ZC3H12B: variants seen among roughly 807,000 people sequenced by gnomAD.
ZC3H12B encodes zinc finger CCCH-type containing 12B.
Under a neutral mutation model 43.9 loss-of-function variants are expected in ZC3H12B, and 7 were observed. The observed-to-expected ratio is 0.16, with a 90% confidence interval of 0.09 to 0.30. The LOEUF is 0.30. Among genes scored for constraint, ZC3H12B ranks in the 10% least tolerant of loss-of-function variants. ZC3H12B has a pLI of 1.00. For missense variants in ZC3H12B, 475 were observed against 670.2 expected (o/e 0.71, Z 3.22); for synonymous variants, 222 against 241.7 (o/e 0.92, Z 0.76).
the ZC3H12B span, among the ~76,000 whole-genome samples, chrX:65,110,449 C>T: frequency 5.5e-5 from 6 of 108,977 alleles, no homozygotes; most frequent in African/African-American, 2.0e-4. Flanking sequence ...GTCTCTGATC[C>T]ATTTTGAGTA....
chrX:65,286,938 A>G, the ZC3H12B span, among the ~76,000 whole-genome samples: 4 of 111,317 alleles, frequency 3.6e-5, no homozygotes, highest in East Asian at 1.1e-3. Flanking sequence ...TAAACAAAAA[A>G]GACAAAATCA....
At chrX:65,081,593 G>A in the ZC3H12B span, among the ~76,000 whole-genome samples, 1 of 111,748 alleles carries the variant, frequency 8.9e-6, no homozygotes, top group Non-Finnish European at 1.9e-5. Flanking sequence ...ACAATTTAAA[G>A]TATATATGCA....
At chrX:65,316,834 T>G in the ZC3H12B span, among the ~76,000 whole-genome samples, 2 of 111,368 alleles carry the variant, frequency 1.8e-5, no homozygotes, top group African/African-American at 3.3e-5. Flanking sequence ...ATAACTGAAT[T>G]AAAAGGCACA....
chrX:65,058,434 G>A, the ZC3H12B span, among the ~76,000 whole-genome samples: 1 of 112,042 alleles, frequency 8.9e-6, no homozygotes, highest in Non-Finnish European at 1.9e-5. Flanking sequence ...AGTTCCTCTG[G>A]AAGTTTTGTC....
chrX:65,206,649 AAAT>A, the ZC3H12B span, among the ~76,000 whole-genome samples: 1 of 90,420 alleles, frequency 1.1e-5, no homozygotes, highest in African/African-American at 9.9e-5. Context: ...AACAAAAATA[AAAT>A]AAATAGATAG....
At chrX:65,211,103 AAG>A in the ZC3H12B span, among the ~76,000 whole-genome samples, 2 of 105,640 alleles carry the variant, frequency 1.9e-5, no homozygotes, top group African/African-American at 3.5e-5. Context: ...AAAAAAAAAA[AAG>A]AACTTTTGAG....
At chrX:65,284,589 C>A in the ZC3H12B span, among the ~76,000 whole-genome samples, 2 of 110,998 alleles carry the variant, frequency 1.8e-5, no homozygotes, top group Admixed American at 9.6e-5. Context: ...TGGTGAAACC[C>A]TGTCTCTACT....
chrX:65,486,987 C>T (rs997552855), upstream of ZC3H12B, among the ~76,000 whole-genome samples: 80 of 112,084 alleles, frequency 7.1e-4, no homozygotes, highest in African/African-American at 2.4e-3. Flanking sequence ...GAAATTATTT[C>T]GAAGAAAATA....
chrX:65,205,556 T>C, the ZC3H12B span, among the ~76,000 whole-genome samples: 1 of 111,267 alleles, frequency 9.0e-6, no homozygotes, highest in East Asian at 2.8e-4. Context: ...ATATGACAAA[T>C]CCACAGCCAA....
Position 65,374,949 on chromosome X carries a change from C to A in ZC3H12B, n.295+5951C>A, listed in dbSNP as rs192849739. On this transcript the variant is annotated intron_variant and non_coding_transcript_variant, in intron 2 of 5. Coordinates refer to the ZC3H12B transcript ENST00000617377. Reference sequence around the variant, plus strand: ...ACCTCCCATCAGGTCCTTCCCATGACACATGGGGAGTATGGGAACTACAAT... The same window carrying A: ...ACCTCCCATCAGGTCCTTCCCATGAAACATGGGGAGTATGGGAACTACAAT... 4.4e-3 allele frequency among the ~76,000 whole-genome samples: 489 copies of A among 111,416 alleles called. 4 individuals carry two copies. Among genetic ancestry groups the A allele is most frequent in the African/African-American group, 0.015 (473 of 30,624 alleles).
intron 3 of ZC3H12B, among the ~76,000 whole-genome samples, chrX:65,437,499 A>T (rs1602437180): frequency 8.9e-6 from 1 of 112,610 alleles, no homozygotes; most frequent in East Asian, 2.8e-4. Context: ...ATCTTCAATA[A>T]TGTCAAGCAC....
chrX:65,092,389 G>A, the ZC3H12B span, among the ~76,000 whole-genome samples: 3 of 111,721 alleles, frequency 2.7e-5, no homozygotes, highest in East Asian at 5.6e-4. Flanking sequence ...GCAAAGGTTG[G>A]AAGCATATGG....
At chrX:65,461,276 A>G (rs1017834555) in intron 3 of ZC3H12B, among the ~76,000 whole-genome samples, 1 of 112,217 alleles carries the variant, frequency 8.9e-6, no homozygotes, top group Admixed American at 9.4e-5. Context: ...TAGTTCAACC[A>G]TTGTGGAAGT....
the ZC3H12B span, among the ~76,000 whole-genome samples, chrX:65,106,849 T>G: frequency 5.4e-5 from 6 of 111,884 alleles, no homozygotes; most frequent in Non-Finnish European, 9.4e-5. Flanking sequence ...TTAATTCTCA[T>G]AACAATCCTA....
At chrX:65,344,893 A>G in the ZC3H12B span, among the ~76,000 whole-genome samples, 4 of 112,323 alleles carry the variant, frequency 3.6e-5, no homozygotes, top group African/African-American at 1.3e-4. Context: ...AAGTGGACAA[A>G]GGACATGAAC....
the ZC3H12B span, among the ~76,000 whole-genome samples, chrX:65,118,689 T>C: frequency 9.1e-6 from 1 of 110,264 alleles, no homozygotes; most frequent in Non-Finnish European, 1.9e-5. Context: ...TTATGGTACA[T>C]GTGCACAACC....
chrX:65,299,071 G>A, the ZC3H12B span, among the ~76,000 whole-genome samples: 2 of 111,551 alleles, frequency 1.8e-5, no homozygotes, highest in East Asian at 5.6e-4. Flanking sequence ...GGTGAGATTT[G>A]GGTGGGGACA....
the ZC3H12B span, among the ~76,000 whole-genome samples, chrX:65,212,785 T>G: frequency 0.037 from 3,771 of 101,240 alleles, 179 homozygotes; most frequent in African/African-American, 0.13. Flanking sequence ...GTTAGACTAT[T>G]AGCTCTATGA....
chrX:65,082,961 T>C, the ZC3H12B span, among the ~76,000 whole-genome samples: 118 of 110,147 alleles, frequency 1.1e-3, no homozygotes, highest in Non-Finnish European at 2.0e-3. Context: ...AATACACATG[T>C]CAATCAATGA....
Sources: allele counts gnomAD v4.1 joint callset (sites outside exome capture counted in the v4.1 genomes callset), GRCh38; gene constraint gnomAD v4.1.1; transcripts MANE v1.5; gene names NCBI Gene and HGNC (gene_info 2026-07-23, HGNC 2026-07-21).